PRKN: variants seen among roughly 807,000 people sequenced by gnomAD.
PRKN encodes the protein E3 ubiquitin-protein ligase parkin.
In PRKN, 56 loss-of-function variants were observed where a neutral mutation model predicts 59.5. That is an observed-to-expected ratio of 0.94 (90% CI 0.76 to 1.18). PRKN has a LOEUF of 1.18. Among genes scored for constraint, PRKN ranks in the 50% most tolerant of loss-of-function variants. The pLI, the probability that PRKN is intolerant of heterozygous loss-of-function variation, is 0.00. For synonymous variants in PRKN, 250 were observed against 222.1 expected (o/e 1.13, Z -1.12); for missense variants, 657 against 596.4 (o/e 1.10, Z -1.06).
chr6:161,810,087 T>C (rs1357117347), intron 6 of PRKN, among the ~76,000 whole-genome samples: 1 of 152,164 alleles, frequency 6.6e-6, no homozygotes, highest in Non-Finnish European at 1.5e-5. Context: ...AATGTGATTA[T>C]AGTTGGAGAT....
At chr6:162,280,696 G>A (rs528083044) in intron 2 of PRKN, among the ~76,000 whole-genome samples, 38 of 150,652 alleles carry the variant, frequency 2.5e-4, no homozygotes, top group African/African-American at 9.0e-4. Context: ...GAGGCTGAGG[G>A]AGGAGAACTG....
intron 4 of PRKN, among the ~76,000 whole-genome samples, chr6:162,200,573 T>A (rs1049976202): frequency 6.6e-6 from 1 of 152,198 alleles, no homozygotes; most frequent in African/African-American, 2.4e-5. Flanking sequence ...CAACTTTGCG[T>A]CAGGGGCTGC....
chr6:161,728,473 C>A (rs1177666849), intron 7 of PRKN, among the ~76,000 whole-genome samples: 1 of 152,150 alleles, frequency 6.6e-6, no homozygotes, highest in Non-Finnish European at 1.5e-5. Context: ...GGAAGAGGGG[C>A]TTGTCACCGC....
intron 1 of PRKN, among the ~76,000 whole-genome samples, chr6:162,595,125 G>A (rs1781451297): frequency 6.6e-6 from 1 of 152,156 alleles, no homozygotes; most frequent in South Asian, 2.1e-4. Flanking sequence ...AGGGAGCTGA[G>A]ATCGTGCCAC....
At chr6:162,375,541 C>T (rs541479177) in intron 2 of PRKN, among the ~76,000 whole-genome samples, 7 of 151,576 alleles carry the variant, frequency 4.6e-5, no homozygotes, top group South Asian at 2.1e-4. Context: ...CTCACTGGAA[C>T]GTTCTAGATT....
rs1282258351 is a variant in PRKN, at chr6:161,581,282, G to A, written c.872-11866C>T. Among the ~76,000 whole-genome samples the A allele has an allele frequency of 6.6e-6, 1 of 151,880 alleles. No individual in the cohort carries two copies. Among genetic ancestry groups the A allele is most frequent in the Non-Finnish European group, 1.5e-5 (1 of 68,012 alleles). On this transcript the variant is annotated intron_variant, in intron 7 of 11. Coordinates refer to ENST00000366898, the MANE Select transcript of PRKN (RefSeq NM_004562.3). This position sits in a 1 kb window ranked among gnomAD's most constrained non-coding sequence, Gnocchi z 4.5. ...TTTCATAGGCATGAGTAAAGCTACTGCAGTGAAAGAACCTGTCAAAGGTCA... is the reference window on the plus strand; with the variant it reads ...TTTCATAGGCATGAGTAAAGCTACTACAGTGAAAGAACCTGTCAAAGGTCA...
intron 6 of PRKN, among the ~76,000 whole-genome samples, chr6:161,855,461 A>G: frequency 6.6e-6 from 1 of 152,208 alleles, no homozygotes; most frequent in East Asian, 1.9e-4. Flanking sequence ...TCATTGATTC[A>G]TTTACTTATT....
rs1451397466 is a variant in PRKN, at chr6:161,456,122, TA to T, written c.1084-69246del. Among the ~76,000 whole-genome samples the T allele has an allele frequency of 6.6e-6, 1 of 152,098 alleles. No homozygotes were observed. The highest frequency in any genetic ancestry group is 2.4e-5 in the African/African-American group (1 of 41,422). ...CTTGATTGGATTGAAGGACGCAAAG[TA>T]TTGTTCCTGGGTGTGTCTGTGAGGG... On this transcript the variant is annotated intron_variant, in intron 9 of 11. Coordinates refer to ENST00000366898, the MANE Select transcript of PRKN (RefSeq NM_004562.3). This position sits in a 1 kb window ranked among gnomAD's most constrained non-coding sequence, Gnocchi z 4.8.
intron 7 of PRKN, among the ~76,000 whole-genome samples, chr6:161,657,536 C>T (rs948296394): frequency 6.6e-6 from 1 of 152,116 alleles, no homozygotes; most frequent in Admixed American, 6.5e-5. Context: ...AAAAATCCTG[C>T]AAACACCTGT....
At chr6:162,620,662 T>C (rs1014420411) in intron 1 of PRKN, among the ~76,000 whole-genome samples, 1 of 152,212 alleles carries the variant, frequency 6.6e-6, no homozygotes, top group Non-Finnish European at 1.5e-5. Context: ...TTCTCCTGTA[T>C]ATCATCCTTT....
At position 161,477,970 on chromosome 6, in the gene PRKN, T is replaced by G. The variant is rs567153639; in HGVS notation, c.1083+70884A>C. Among the ~76,000 whole-genome samples the G allele has an allele frequency of 3.3e-5, 5 of 152,180 alleles. No individual in the cohort carries two copies. In the South Asian group the frequency reaches 8.3e-4, roughly 25 times the overall value. On this transcript the variant is annotated intron_variant, in intron 9 of 11. Transcript: ENST00000366898. ...TCAACAGATTTGTGTAAAGTGCAAA[T>G]GAACGGTTGTACCTGAGCTGTATCA...
rs1172242880 is a variant in PRKN at position 161,354,229 on chromosome 6, C to T, written c.1286-4018G>A. On this transcript the variant is annotated intron_variant, in intron 11 of 11. Coordinates refer to ENST00000366898, the MANE Select transcript of PRKN (RefSeq NM_004562.3). The surrounding 1 kb of genome is among the most constrained non-coding windows in gnomAD (Gnocchi z 6.7). Reference sequence around the variant, plus strand: ...CAGGCCATGGAGGAGCATGGAGGACCGCAATTCTAAAAGCTTTGCCAGCTT... The same window carrying T: ...CAGGCCATGGAGGAGCATGGAGGACTGCAATTCTAAAAGCTTTGCCAGCTT... Among the ~76,000 whole-genome samples, 3 of 152,114 alleles carry T rather than the reference C, an allele frequency of 2.0e-5. No individual in the cohort carries two copies. The highest frequency in any genetic ancestry group is 2.9e-5 in the Non-Finnish European group (2 of 68,020).
chr6:162,675,455 G>A (rs528369952), intron 1 of PRKN, among the ~76,000 whole-genome samples: 10 of 152,170 alleles, frequency 6.6e-5, no homozygotes, highest in Admixed American at 6.5e-4. Flanking sequence ...TGGATTGAGA[G>A]GTCATCTGTG....
intron 6 of PRKN, among the ~76,000 whole-genome samples, chr6:161,892,960 G>C (rs1777467826): frequency 6.6e-6 from 1 of 152,020 alleles, no homozygotes; most frequent in Admixed American, 6.6e-5. Flanking sequence ...CTCCTGCCTT[G>C]GCCTCCCGAG....
At chr6:161,610,584 T>C (rs1346951288) in intron 7 of PRKN, among the ~76,000 whole-genome samples, 1 of 147,580 alleles carries the variant, frequency 6.8e-6, no homozygotes, top group Non-Finnish European at 1.5e-5. Context: ...GATATGACAG[T>C]GAAGAAGAGA....
intron 7 of PRKN, among the ~76,000 whole-genome samples, chr6:161,734,226 C>T (rs975821927): frequency 6.6e-6 from 1 of 152,094 alleles, no homozygotes; most frequent in Non-Finnish European, 1.5e-5. Context: ...GCTTACATTG[C>T]TAACATTTTC....
At chr6:161,919,198 G>C (rs566972740) in intron 6 of PRKN, among the ~76,000 whole-genome samples, 1 of 152,068 alleles carries the variant, frequency 6.6e-6, no homozygotes, top group African/African-American at 2.4e-5. Flanking sequence ...AGAGTTTCAC[G>C]TACAATAACT....
intron 2 of PRKN, among the ~76,000 whole-genome samples, chr6:162,273,701 T>C (rs1039010310): frequency 5.3e-5 from 8 of 152,208 alleles, no homozygotes; most frequent in African/African-American, 1.7e-4. Flanking sequence ...AATGTACTTA[T>C]GAATTTTTAA....
At chr6:161,709,749 A>T (rs1786661714) in intron 7 of PRKN, among the ~76,000 whole-genome samples, 1 of 152,182 alleles carries the variant, frequency 6.6e-6, no homozygotes, top group Non-Finnish European at 1.5e-5. Context: ...AAATAACCTC[A>T]GAGTTTCCAT....
Sources: allele counts gnomAD v4.1 joint callset (sites outside exome capture counted in the v4.1 genomes callset), GRCh38; gene constraint gnomAD v4.1.1; non-coding constraint Gnocchi (gnomAD v3.1); transcripts MANE v1.5; gene names NCBI Gene and HGNC (gene_info 2026-07-23, HGNC 2026-07-21).